CENPO: variants seen among roughly 807,000 people sequenced by gnomAD.
CENPO encodes the protein centromere protein O.
CENPO carries 30 observed loss-of-function variants against 36.1 expected under a neutral mutation model. The ratio of observed to expected loss-of-function variants is 0.83; its 90% CI spans 0.62 to 1.13. CENPO has a LOEUF of 1.13. Among genes scored for constraint, CENPO ranks in the 50% most tolerant of loss-of-function variants. The pLI, the probability that CENPO is intolerant of heterozygous loss-of-function variation, is 0.00. For synonymous variants in CENPO, 171 were observed against 142.3 expected (o/e 1.20, Z -1.44); for missense variants, 349 against 357.8 (o/e 0.98, Z 0.20).
chr2:24,797,088 CTTGTAA>C (rs965300956), intron 2 of CENPO, among the ~76,000 whole-genome samples: 1 of 152,168 alleles, frequency 6.6e-6, no homozygotes, highest in African/African-American at 2.4e-5. Context: ...ACCTAGGAAA[CTTGTAA>C]TAGGCCAGAA....
chr2:24,820,914 T>C lies in CENPO; in HGVS notation c.*1596T>C. 1 of 1,591,002 alleles carries C rather than the reference T, an allele frequency of 6.3e-7. No individual in the cohort carries two copies. Among genetic ancestry groups the C allele is most frequent in the African/African-American group, 1.3e-5 (1 of 74,590 alleles). On this transcript the variant is annotated 3_prime_UTR_variant, in exon 8 of 8. Coordinates refer to ENST00000380834, the MANE Select transcript of CENPO (RefSeq NM_001322101.2). ...ACCTTGTTATGGGCCTCAGAAGCCATCTCCTCTCCAGACCTGTACCACAAA... is the reference window on the plus strand; with the variant it reads ...ACCTTGTTATGGGCCTCAGAAGCCACCTCCTCTCCAGACCTGTACCACAAA...
chr2:24,810,063 C>A (rs914999480), intron 3 of CENPO, among the ~76,000 whole-genome samples: 3 of 141,262 alleles, frequency 2.1e-5, no homozygotes, highest in Non-Finnish European at 4.7e-5. Flanking sequence ...AAAAAAAAAA[C>A]TTACATTCTT....
chr2:24,805,621 C>T (rs1052046901), intron 3 of CENPO, among the ~76,000 whole-genome samples: 3 of 152,142 alleles, frequency 2.0e-5, no homozygotes, highest in South Asian at 2.1e-4. Context: ...GTATCAGCAG[C>T]GGAGGTTGCA....
At chr2:24,805,760 T>C (rs1324772400) in intron 3 of CENPO, among the ~76,000 whole-genome samples, 1 of 152,230 alleles carries the variant, frequency 6.6e-6, no homozygotes, top group Non-Finnish European at 1.5e-5. Flanking sequence ...CCAGTTAGGC[T>C]ACTCGGGGGT....
At chr2:24,814,567 G>A (rs1666852469) in intron 4 of CENPO, 74 bp downstream of exon 4, 1 of 767,068 alleles carries the variant, frequency 1.3e-6, no homozygotes, top group Non-Finnish European at 2.4e-6. Context: ...TGTGTTATCA[G>A]TCCTGGAATT....
In CENPO at chr2:24,816,779, C is replaced by G; in HGVS notation, c.728C>G (p.Thr243Arg). ...GCTAGATTGCTGTATAAGGACCTCACAGCAACTCTTCCCACTGACGTCACC... is the reference window on the plus strand; with the variant it reads ...GCTAGATTGCTGTATAAGGACCTCAGAGCAACTCTTCCCACTGACGTCACC... Reference protein sequence around the residue: ...FCARLLYKDLTATLPTDVTVT... With the variant: ...FCARLLYKDLRATLPTDVTVT... The change falls in exon 6 of 8, where the codon ACA becomes AGA. Residue 243 changes from threonine to arginine, a missense_variant. Thr to Arg is a moderately conservative substitution (Grantham distance 71, BLOSUM62 -1). Transcript: ENST00000380834. 1 of 1,607,640 alleles carries G rather than the reference C, an allele frequency of 6.2e-7. No homozygotes were observed. Among genetic ancestry groups the G allele is most frequent in the Non-Finnish European group, 8.5e-7 (1 of 1,177,390 alleles).
intron 7 of CENPO, among the ~76,000 whole-genome samples, chr2:24,818,794 G>GTCAC (rs1349344460): frequency 6.6e-6 from 1 of 152,210 alleles, no homozygotes; most frequent in East Asian, 1.9e-4. Flanking sequence ...TGGCGTGTGG[G>GTCAC]TCACTCACAG....
intron 3 of CENPO, among the ~76,000 whole-genome samples, chr2:24,800,396 T>C (rs1666108334): frequency 3.3e-5 from 5 of 152,222 alleles, no homozygotes; most frequent in Admixed American, 3.3e-4. Context: ...TACATATGTA[T>C]ACATGTGCCA....
At chr2:24,795,405 G>T (rs1665851718) in intron 2 of CENPO, among the ~76,000 whole-genome samples, 2 of 152,166 alleles carry the variant, frequency 1.3e-5, no homozygotes, top group South Asian at 4.1e-4. Context: ...GGACAAAGCT[G>T]ACTGGCTAGG....
intron 2 of CENPO, among the ~76,000 whole-genome samples, chr2:24,797,066 A>G (rs1665940427): frequency 6.6e-6 from 1 of 152,234 alleles, no homozygotes; most frequent in Non-Finnish European, 1.5e-5. Context: ...ATATGGCTTC[A>G]GTGTATGGGC....
At chr2:24,794,105 A>G in intron 2 of CENPO, 140 bp downstream of exon 2, 3 of 728,252 alleles carry the variant, frequency 4.1e-6, no homozygotes, top group Non-Finnish European at 7.4e-6. Flanking sequence ...ATTGAAGACA[A>G]AGGGACAGGC....
chr2:24,793,845 T>G lies in CENPO; in HGVS notation c.-68-7T>G. 1 of 1,609,002 alleles carries G rather than the reference T, an allele frequency of 6.2e-7. No homozygotes were observed. Among genetic ancestry groups the G allele is most frequent in the Non-Finnish European group, 8.5e-7 (1 of 1,175,606 alleles). ...TGATGTGACTGTTGCCATTTTTCTT[T>G]TATTAGCAAGGACATTGGAGTCCCT... On this transcript the variant is annotated splice_polypyrimidine_tract_variant and splice_region_variant and intron_variant, in intron 1 of 7. Transcript: ENST00000380834.
chr2:24,819,440 C>T lies in CENPO; in HGVS notation c.*122C>T, dbSNP rs1667193242. 6.5e-6 allele frequency: 1 copy of T among 153,162 alleles called. No individual in the cohort carries two copies. The highest frequency in any genetic ancestry group is 2.1e-4 in the South Asian group (1 of 4,832). The allele number at this position is 153,162 out of a possible 1,614,324, so 9.5% of individuals were successfully genotyped here. A position where few individuals can be genotyped will look rare whatever the true frequency, so the allele number is the denominator to read the frequency against. ...AAGGGGACAGGAGTTCCAGAAGAAC[C>T]TTTCAAGATGATCAGGAACACCAGG... On this transcript the variant is annotated 3_prime_UTR_variant, in exon 8 of 8. Transcript: ENST00000380834.
chr2:24,821,056 C>T lies in CENPO; in HGVS notation c.*1738C>T, dbSNP rs934124551. On this transcript the variant is annotated 3_prime_UTR_variant, in exon 8 of 8. Transcript: ENST00000380834. ...TTAGGTGTCAGCCGCCACCCCCCCC[C>T]CATATGCAGATTTACTCGGCATGGT... 15 of 648,198 alleles carry T rather than the reference C, an allele frequency of 2.3e-5. No homozygotes were observed. Among genetic ancestry groups the T allele is most frequent in the South Asian group, 6.3e-5 (3 of 47,548 alleles). 40.2% of individuals were successfully genotyped at this position (648,198 alleles called of 1,614,324 possible).
intron 3 of CENPO, among the ~76,000 whole-genome samples, chr2:24,806,208 A>T (rs540679927): frequency 2.0e-4 from 30 of 152,330 alleles, no homozygotes; most frequent in African/African-American, 7.2e-4. Context: ...CCGATTTTCC[A>T]GGTGCCGTCT....
chr2:24,817,465 C>CAAAAAAAAA (rs1558382820), intron 6 of CENPO, among the ~76,000 whole-genome samples: 2 of 12,366 alleles, frequency 1.6e-4, no homozygotes, highest in African/African-American at 2.7e-4. Context: ...TTAGTCCAGA[C>CAAAAAAAAA]CAAAAAAAAA....
At chr2:24,793,627 C>G (rs1426120896) in intron 1 of CENPO, 126 bp downstream of exon 1, 26 of 1,411,756 alleles carry the variant, frequency 1.8e-5, no homozygotes, top group Admixed American at 2.8e-5. Flanking sequence ...CCAGAGTAGC[C>G]GTGGCCTCGG....
Position 24,820,534 on chromosome 2 carries a change from A to T in CENPO, c.*1216A>T. 7.1e-7 allele frequency: 1 copy of T among 1,403,544 alleles called. No individual in the cohort carries two copies. Among genetic ancestry groups the T allele is most frequent in the South Asian group, 1.5e-5 (1 of 64,724 alleles). 86.9% of individuals were successfully genotyped at this position (1,403,544 alleles called of 1,614,324 possible). On this transcript the variant is annotated 3_prime_UTR_variant, in exon 8 of 8. Coordinates refer to ENST00000380834, the MANE Select transcript of CENPO (RefSeq NM_001322101.2). ...TAGAACTTCAGCCCAGATTTTGTGG[A>T]TGGGTGGAAGTGTTTCTTCCTGTGC...
chr2:24,820,014 A>AAG lies in CENPO; in HGVS notation c.*698_*699dup. ...GGCTAGCTTATCCCGCCCCTTCAAGAAGAAGGTCAGCAGCTCCCCCTTCCC... is the reference window on the plus strand; with the variant it reads ...GGCTAGCTTATCCCGCCCCTTCAAGAAGAGAAGGTCAGCAGCTCCCCCTTCCC... On this transcript the variant is annotated 3_prime_UTR_variant, in exon 8 of 8. Transcript: ENST00000380834. 6.2e-7 allele frequency: 1 copy of AAG among 1,612,356 alleles called. No individual in the cohort carries two copies. The highest frequency in any genetic ancestry group is 8.5e-7 in the Non-Finnish European group (1 of 1,179,264).
Sources: allele counts gnomAD v4.1 joint callset (sites outside exome capture counted in the v4.1 genomes callset), GRCh38; gene constraint gnomAD v4.1.1; transcripts MANE v1.5; gene names NCBI Gene and HGNC (gene_info 2026-07-23, HGNC 2026-07-21).